Variants in CACNA1I observed in about 807,000 individuals in gnomAD.
CACNA1I encodes the protein voltage-dependent T-type calcium channel subunit alpha-1I.
CACNA1I carries 74 observed loss-of-function variants against 201.6 expected under a neutral mutation model. The ratio of observed to expected loss-of-function variants is 0.37; its 90% CI spans 0.30 to 0.45. CACNA1I has a LOEUF of 0.45. Among genes scored for constraint, CACNA1I ranks in the 20% least tolerant of loss-of-function variants. CACNA1I has a pLI of 1.00. For missense variants in CACNA1I, 2,346 were observed against 3,138.1 expected (o/e 0.75, Z 6.03); for synonymous variants, 1,431 against 1,345.2 (o/e 1.06, Z -1.40).
intron 10 of CACNA1I, among the ~76,000 whole-genome samples, chr22:39,652,148 C>T (rs1026127320): frequency 2.0e-5 from 3 of 152,000 alleles, no homozygotes; most frequent in Non-Finnish European, 4.4e-5. Flanking sequence ...ATTCTCCAGG[C>T]GTGTGCCACC....
intron 6 of CACNA1I, among the ~76,000 whole-genome samples, chr22:39,641,435 C>T (rs1934348825): frequency 6.6e-6 from 1 of 152,210 alleles, no homozygotes; most frequent in African/African-American, 2.4e-5. Context: ...CTCTGGGTGT[C>T]CCCAAAGCCT....
intron 10 of CACNA1I, among the ~76,000 whole-genome samples, chr22:39,657,510 G>A (rs73888105): frequency 0.024 from 3,651 of 152,294 alleles, 142 homozygotes; most frequent in African/African-American, 0.084. Flanking sequence ...GGCCATTGCT[G>A]GGAAGGGGAG....
Position 39,640,893 on chromosome 22 carries a change from A to G in CACNA1I, c.767A>G (p.Tyr256Cys). 1 of 1,613,326 alleles carries G rather than the reference A, an allele frequency of 6.2e-7. No homozygotes were observed. The highest frequency in any genetic ancestry group is 8.5e-7 in the Non-Finnish European group (1 of 1,179,586). The change falls in exon 6 of 37, where the codon TAC becomes TGC. Residue 256 changes from tyrosine (Y) to cysteine (C), a missense_variant. By Grantham distance (194) the Tyr-to-Cys change is radical. Around this residue, in one of 13 missense-constraint regions of CACNA1I, gnomAD observed 227 missense variants for 412.5 expected, o/e 0.55. Coordinates refer to ENST00000402142, the MANE Select transcript of CACNA1I (RefSeq NM_021096.4). ...TIQGDVALPP[Y>C]YQPEEDDEMP... ...CAAGGGGATGTGGCCTTGCCCCCATACTACCAGCCGGAGGAGGATGATGAG... is the reference window on the plus strand; with the variant it reads ...CAAGGGGATGTGGCCTTGCCCCCATGCTACCAGCCGGAGGAGGATGATGAG...
intron 7 of CACNA1I, among the ~76,000 whole-genome samples, chr22:39,646,054 G>C (rs1934477037): frequency 6.6e-6 from 1 of 152,268 alleles, no homozygotes; most frequent in South Asian, 2.1e-4. Flanking sequence ...CCAGGCGGAT[G>C]GGGGCTAGGC....
intron 2 of CACNA1I, among the ~76,000 whole-genome samples, chr22:39,599,052 C>T (rs1391108892): frequency 7.0e-6 from 1 of 143,440 alleles, no homozygotes; most frequent in East Asian, 2.2e-4. Flanking sequence ...GGGTTCATGC[C>T]ATTCTCCCAC....
intron 2 of CACNA1I, 132 bp downstream of exon 2, chr22:39,598,394 G>T: frequency 3.2e-6 from 2 of 623,410 alleles, no homozygotes; most frequent in Admixed American, 2.4e-5. Context: ...CCCGCTCCGT[G>T]CCCTTCCCCA....
chr22:39,595,830 T>C (rs1270058456), intron 1 of CACNA1I, among the ~76,000 whole-genome samples: 1 of 151,892 alleles, frequency 6.6e-6, no homozygotes, highest in Non-Finnish European at 1.5e-5. Flanking sequence ...ATTGAACACC[T>C]ACTAGATGTT....
intron 4 of CACNA1I, among the ~76,000 whole-genome samples, chr22:39,632,128 C>G (rs142689003): frequency 1.3e-5 from 2 of 152,080 alleles, no homozygotes; most frequent in Non-Finnish European, 1.5e-5. Flanking sequence ...ATTAATTGAG[C>G]GACAAAGGCC....
Position 39,679,481 on chromosome 22 carries a change from A to AG in CACNA1I, c.5394+43dup, listed in dbSNP as rs1234957046. ...GCTGGAGAGGTGTGAGGGTCGCCAG[A>AG]GGGGGGGCACCGCAGGGCCAGATGG... On this transcript the variant is annotated intron_variant, in intron 32 of 36. Coordinates refer to ENST00000402142, the MANE Select transcript of CACNA1I (RefSeq NM_021096.4). 11 of 1,350,110 alleles carry AG rather than the reference A, an allele frequency of 8.1e-6. No homozygotes were observed. The African/African-American group carries it at 1.1e-4, about 13-fold the overall frequency. The allele number at this position is 1,350,110 out of a possible 1,614,324, so 83.6% of individuals were successfully genotyped here. A position where few individuals can be genotyped will look rare whatever the true frequency, so the allele number is the denominator to read the frequency against.
rs1030323881 is a variant in CACNA1I, at chr22:39,673,423, C to G, written c.4783+341C>G. Among the ~76,000 whole-genome samples the G allele has an allele frequency of 2.6e-5, 4 of 152,296 alleles. No individual in the cohort carries two copies. The East Asian group carries it at 7.7e-4, about 29-fold the overall frequency. On this transcript the variant is annotated intron_variant, in intron 28 of 36. Transcript: ENST00000402142. ...CCAGTCCAACTGGGAAGATGTGAAA[C>G]ACCTCCAGTTCCTCGCTGGCATTTC...
chr22:39,634,657 A>G lies in CACNA1I; in HGVS notation c.673A>G (p.Ile225Val). 2 of 1,613,840 alleles carry G rather than the reference A, an allele frequency of 1.2e-6. No individual in the cohort carries two copies. The highest frequency in any genetic ancestry group is 2.2e-5 in the East Asian group (1 of 44,888). The change falls in exon 5 of 37, where the codon ATC becomes GTC. Residue 225 changes from isoleucine to valine, a missense_variant. By Grantham distance (29) the Ile-to-Val change is conservative. Coordinates refer to ENST00000402142, the MANE Select transcript of CACNA1I (RefSeq NM_021096.4). ...CTTCTTTGTCTTCTTCATCTTTGGC[A>G]TCATAGGTGTGCAGCTCTGGGCGGG... is the stretch of plus-strand genomic sequence containing the variant. ...LCFFVFFIFG[I>V]IGVQLWAGLL...
chr22:39,647,165 AG>A (rs869034748), intron 8 of CACNA1I, among the ~76,000 whole-genome samples: 2 of 33,238 alleles, frequency 6.0e-5, no homozygotes, highest in South Asian at 1.9e-3. Context: ...TCGGCCTCGG[AG>A]GAAGCCACAC....
intron 1 of CACNA1I, among the ~76,000 whole-genome samples, chr22:39,583,505 C>T (rs1223267196): frequency 1.3e-5 from 2 of 152,170 alleles, no homozygotes; most frequent in African/African-American, 4.8e-5. Flanking sequence ...TTCATGCATT[C>T]GTCTGCTTAT....
In CACNA1I at chr22:39,684,843, G is replaced by A. The variant is rs1235348240; in HGVS notation, c.6027+345G>A. On this transcript the variant is annotated intron_variant, in intron 36 of 36. Coordinates refer to ENST00000402142, the MANE Select transcript of CACNA1I (RefSeq NM_021096.4). This position sits in a 1 kb window ranked among gnomAD's most constrained non-coding sequence, Gnocchi z 4.6. Reference sequence around the variant, plus strand: ...GTGGCGGGGTGCTGGCAGTGGGGAGGACACCCTGGGTGCTCTGGGTGGGTG... The same window carrying A: ...GTGGCGGGGTGCTGGCAGTGGGGAGAACACCCTGGGTGCTCTGGGTGGGTG... The A allele has an allele frequency of 5.8e-6, 3 of 520,096 alleles. No individual in the cohort carries two copies. The highest frequency in any genetic ancestry group is 6.9e-6 in the Non-Finnish European group (2 of 291,270). The allele number at this position is 520,096 out of a possible 1,614,324, so 32.2% of individuals were successfully genotyped here. A position where few individuals can be genotyped will look rare whatever the true frequency, so the allele number is the denominator to read the frequency against.
chr22:39,651,072 G>A (rs1320155259), intron 10 of CACNA1I, among the ~76,000 whole-genome samples: 1 of 152,178 alleles, frequency 6.6e-6, no homozygotes, highest in Non-Finnish European at 1.5e-5. Context: ...CCTGGATGGG[G>A]TGACTCCCTG....
intron 1 of CACNA1I, among the ~76,000 whole-genome samples, chr22:39,594,192 T>G (rs1295767572): frequency 6.6e-6 from 1 of 152,158 alleles, no homozygotes; most frequent in East Asian, 1.9e-4. Flanking sequence ...TGTCTCAGCC[T>G]TCCTTATCTG....
At chr22:39,626,939 A>C (rs1933916116) in intron 4 of CACNA1I, among the ~76,000 whole-genome samples, 1 of 152,214 alleles carries the variant, frequency 6.6e-6, no homozygotes, top group African/African-American at 2.4e-5. Context: ...TTAGGAAGTT[A>C]GTGGCATTGT....
intron 26 of CACNA1I, 55 bp from the exon 27 acceptor site, chr22:39,672,144 A>G: frequency 1.9e-6 from 2 of 1,071,776 alleles, no homozygotes; most frequent in Non-Finnish European, 2.9e-6. Context: ...GAGTGGAGGA[A>G]GGTTGTGGAG....
chr22:39,574,571 T>TG (rs1273452871), intron 1 of CACNA1I, among the ~76,000 whole-genome samples: 1 of 152,142 alleles, frequency 6.6e-6, no homozygotes, highest in African/African-American at 2.4e-5. Context: ...GGAGGGGGCC[T>TG]GGGGCAGTGC....
Sources: allele counts gnomAD v4.1 joint callset (sites outside exome capture counted in the v4.1 genomes callset), GRCh38; gene constraint gnomAD v4.1.1; regional missense constraint gnomAD v4.1.1; non-coding constraint Gnocchi (gnomAD v3.1); transcripts MANE v1.5; gene names NCBI Gene and HGNC (gene_info 2026-07-23, HGNC 2026-07-21).